BBX: variants seen among roughly 807,000 people sequenced by gnomAD.
The protein encoded by BBX is HMG box transcription factor BBX.
A neutral mutation model predicts 100.2 loss-of-function variants in BBX; 30 were observed. That is an observed-to-expected ratio of 0.30 (90% CI 0.22 to 0.41). BBX has a LOEUF of 0.41. Among genes scored for constraint, BBX ranks in the 10% least tolerant of loss-of-function variants. The probability of loss-of-function intolerance (pLI) is 1.00; values close to 1 mark genes in which losing one functional copy is unlikely to be tolerated. For synonymous variants in BBX, 376 were observed against 388.1 expected, an observed-to-expected ratio of 0.97 and a Z score of 0.37; for missense variants, 1,023 against 1,129.8, an observed-to-expected ratio of 0.91 and a Z score of 1.35.
At chr3:107,540,119 C>T (rs1018518705) in intron 2 of BBX, among the ~76,000 whole-genome samples, 3 of 152,064 alleles carry the variant, frequency 2.0e-5, no homozygotes, top group Non-Finnish European at 2.9e-5. Context: ...ATTAGTTGGA[C>T]AGTGTTTATG....
At chr3:107,629,632 T>G (rs951755265) in intron 2 of BBX, among the ~76,000 whole-genome samples, 9 of 152,280 alleles carry the variant, frequency 5.9e-5, no homozygotes, top group Non-Finnish European at 1.2e-4. Flanking sequence ...ACGTGTTCCA[T>G]CTATTTAATA....
At chr3:107,796,600 G>T (rs1483505653) in intron 15 of BBX, among the ~76,000 whole-genome samples, 2 of 152,068 alleles carry the variant, frequency 1.3e-5, no homozygotes, top group Non-Finnish European at 2.9e-5. Context: ...CAGATTTTGG[G>T]CTTCTTTATA....
Position 107,802,235 on chromosome 3 carries a change from C to T in BBX, c.2738+954C>T, listed in dbSNP as rs138820211. On this transcript the variant is annotated intron_variant, in intron 17 of 17. Coordinates refer to ENST00000325805, the MANE Select transcript of BBX (RefSeq NM_001142568.3). ...AGCTTGTGTAGCCAGCTGTAGGCCC[C>T]ATGCTCCTTTTTGACATCCAGGTAA... 9.8e-5 allele frequency among the ~76,000 whole-genome samples: 15 copies of T among 152,364 alleles called. No individual in the cohort carries two copies. In the East Asian group the frequency reaches 2.9e-3, roughly 29 times the overall value.
At chr3:107,617,103 C>T (rs991462882) in intron 2 of BBX, among the ~76,000 whole-genome samples, 7 of 151,878 alleles carry the variant, frequency 4.6e-5, no homozygotes, top group African/African-American at 1.7e-4. Flanking sequence ...CTTTTTTTGC[C>T]TGTGTAAGTC....
rs771614227 is a variant in BBX at position 107,728,766 on chromosome 3, A to T, written c.407A>T (p.Tyr136Phe). 1 of 1,611,762 alleles carries T rather than the reference A, an allele frequency of 6.2e-7. No individual in the cohort carries two copies. Among genetic ancestry groups the T allele is most frequent in the Non-Finnish European group, 8.5e-7 (1 of 1,178,720 alleles). Residue 136 changes from tyrosine (Y) to phenylalanine (F), a missense_variant and splice_region_variant, in exon 6 of 18, where the codon TAT becomes TTT. Physicochemically the swap from Tyr to Phe is conservative, Grantham distance 22. Around this residue, in one of 9 missense-constraint regions of BBX, gnomAD observed 229 missense variants for 226.3 expected, o/e 1.01. Coordinates refer to ENST00000325805, the MANE Select transcript of BBX (RefSeq NM_001142568.3). Reference protein sequence around the residue: ...KQKYTDMAKEYKDAFMKANPG... With the variant: ...KQKYTDMAKEFKDAFMKANPG... ...TGCTGTCTGTCGTTTTATTTATAGT[A>T]TAAGGATGCATTTATGAAAGCAAAT...
At chr3:107,748,179 A>G in intron 9 of BBX, 140 bp downstream of exon 9, 1 of 631,626 alleles carries the variant, frequency 1.6e-6, no homozygotes, top group Non-Finnish European at 2.5e-6. Flanking sequence ...CAGAATATTT[A>G]TTGCTTTTTC....
intron 2 of BBX, among the ~76,000 whole-genome samples, chr3:107,550,412 A>C (rs941155887): frequency 1.3e-5 from 2 of 152,038 alleles, no homozygotes; most frequent in Non-Finnish European, 2.9e-5. Context: ...GTTGAATGGG[A>C]TTTGGGCACA....
At chr3:107,649,475 G>A in intron 3 of BBX, among the ~76,000 whole-genome samples, 1 of 152,132 alleles carries the variant, frequency 6.6e-6, no homozygotes, top group East Asian at 1.9e-4. Flanking sequence ...TACCTTGTAG[G>A]ATTGTGAGAA....
intron 3 of BBX, among the ~76,000 whole-genome samples, chr3:107,708,968 A>G (rs974988706): frequency 1.3e-5 from 2 of 152,202 alleles, no homozygotes; most frequent in African/African-American, 2.4e-5. Context: ...CCCTAAGGAC[A>G]TTGAAATTGG....
intron 10 of BBX, among the ~76,000 whole-genome samples, chr3:107,760,594 C>T (rs2065821717): frequency 6.6e-6 from 1 of 152,152 alleles, no homozygotes; most frequent in Admixed American, 6.5e-5. Flanking sequence ...AATAAGGAAT[C>T]ATGCAAGGAA....
At chr3:107,574,812 A>C (rs1456508206) in intron 2 of BBX, among the ~76,000 whole-genome samples, 1 of 152,164 alleles carries the variant, frequency 6.6e-6, no homozygotes, top group East Asian at 1.9e-4. Context: ...ATTTTTGAGA[A>C]GGAATGACTC....
At chr3:107,753,129 T>C (rs747850008) in intron 9 of BBX, among the ~76,000 whole-genome samples, 7 of 151,990 alleles carry the variant, frequency 4.6e-5, no homozygotes, top group African/African-American at 1.4e-4. Flanking sequence ...GCCTGAGACA[T>C]AGGAGGAAAG....
At chr3:107,557,462 A>G (rs2050166542) in intron 2 of BBX, among the ~76,000 whole-genome samples, 1 of 152,222 alleles carries the variant, frequency 6.6e-6, no homozygotes, top group Non-Finnish European at 1.5e-5. Flanking sequence ...CAAACAGTTT[A>G]TCAAATCAAA....
chr3:107,608,793 T>C (rs1257398297), intron 2 of BBX, among the ~76,000 whole-genome samples: 1 of 152,190 alleles, frequency 6.6e-6, no homozygotes, highest in Non-Finnish European at 1.5e-5. Flanking sequence ...TTGGTTAAAT[T>C]AATTCCTGTG....
intron 3 of BBX, among the ~76,000 whole-genome samples, chr3:107,647,784 G>T (rs1422079808): frequency 3.9e-5 from 6 of 152,108 alleles, no homozygotes; most frequent in Non-Finnish European, 7.4e-5. Context: ...TCTCATTTAT[G>T]TTCATGTCCC....
At chr3:107,580,776 C>A (rs1027850026) in intron 2 of BBX, among the ~76,000 whole-genome samples, 7 of 152,178 alleles carry the variant, frequency 4.6e-5, no homozygotes, top group African/African-American at 1.7e-4. Context: ...GGATTACAGG[C>A]ATGCACCACC....
At chr3:107,663,514 A>G (rs1175493293) in intron 3 of BBX, among the ~76,000 whole-genome samples, 3 of 151,836 alleles carry the variant, frequency 2.0e-5, no homozygotes, top group Non-Finnish European at 4.4e-5. Flanking sequence ...CCTCATCACA[A>G]TCCTTAATGT....
At chr3:107,769,223 T>C (rs148994680) in intron 10 of BBX, among the ~76,000 whole-genome samples, 17,942 of 132,550 alleles carry the variant, frequency 0.14, 1,557 homozygotes, top group Middle Eastern at 0.17. Context: ...GATAGATAGA[T>C]AGATAGACAG....
At chr3:107,752,530 T>A (rs2065152440) in intron 9 of BBX, among the ~76,000 whole-genome samples, 1 of 152,324 alleles carries the variant, frequency 6.6e-6, no homozygotes, top group Non-Finnish European at 1.5e-5. Context: ...ACTTCCACCA[T>A]TACCTAATTT....
Sources: allele counts gnomAD v4.1 joint callset (sites outside exome capture counted in the v4.1 genomes callset), GRCh38; gene constraint gnomAD v4.1.1; regional missense constraint gnomAD v4.1.1; transcripts MANE v1.5; gene names NCBI Gene and HGNC (gene_info 2026-07-23, HGNC 2026-07-21).